CIP2A: variants seen among roughly 807,000 people sequenced by gnomAD.
CIP2A encodes the protein protein CIP2A.
In CIP2A, 103 loss-of-function variants were observed where a neutral mutation model predicts 110.9. The ratio of observed to expected loss-of-function variants is 0.93; its 90% CI spans 0.79 to 1.09. The LOEUF is 1.09. CIP2A is among the 50% of genes least tolerant of loss of function. The probability of loss-of-function intolerance (pLI) is 0.00; values close to 1 mark genes in which losing one functional copy is unlikely to be tolerated. For missense variants in CIP2A, 1,088 were observed against 1,038.4 expected (o/e 1.05, Z -0.66); for synonymous variants, 381 against 361.6 (o/e 1.05, Z -0.61).
chr3:108,553,506 A>G, intron 19 of CIP2A, 142 bp downstream of exon 19: 3 of 708,204 alleles, frequency 4.2e-6, no homozygotes, highest in Non-Finnish European at 6.6e-6. Flanking sequence ...GTGAAACATT[A>G]TGTCAAGAAA....
chr3:108,557,896 GAT>G (rs761752146), intron 16 of CIP2A, among the ~76,000 whole-genome samples: 3 of 152,032 alleles, frequency 2.0e-5, no homozygotes, highest in Non-Finnish European at 4.4e-5. Context: ...TTTATTATGT[GAT>G]ATGAAACACT....
In CIP2A at chr3:108,585,203, C is replaced by G; in HGVS notation, c.112G>C (p.Gly38Arg). The change falls in exon 2 of 21, where the codon GGA becomes CGA. Residue 38 changes from glycine to arginine, a missense_variant. Coordinates refer to ENST00000295746, the MANE Select transcript of CIP2A (RefSeq NM_020890.3). ...GTAAATAGTCGTGTGAGTTTCTGTC[C>G]AGAAATTACCTATAAAATAGTAATC... is the stretch of plus-strand genomic sequence containing the variant. Reference protein sequence around the residue: ...QLLRHLEVISGQKLTRLFTSN... With the variant: ...QLLRHLEVISRQKLTRLFTSN... 6.2e-7 allele frequency: 1 copy of G among 1,604,796 alleles called. No homozygotes were observed. The highest frequency in any genetic ancestry group is 8.5e-7 in the Non-Finnish European group (1 of 1,175,110).
chr3:108,565,687 T>C (rs1326817013), intron 11 of CIP2A, among the ~76,000 whole-genome samples: 1 of 151,842 alleles, frequency 6.6e-6, no homozygotes, highest in Non-Finnish European at 1.5e-5. Context: ...TTTCTTTTAC[T>C]ACCAACCTGC....
chr3:108,552,036 A>G (rs3816487), intron 20 of CIP2A, among the ~76,000 whole-genome samples, 198 bp downstream of exon 20: 5,448 of 152,264 alleles, frequency 0.036, 421 homozygotes, highest in East Asian at 0.35. Context: ...GACACAAAGT[A>G]TCTGTTTAAT....
Position 108,557,370 on chromosome 3 carries a change from A to G in CIP2A, c.2058T>C (p.Asn686=), listed in dbSNP as rs1336910461. The G allele has an allele frequency of 3.7e-6, 6 of 1,607,300 alleles. No homozygotes were observed. The highest frequency in any genetic ancestry group is 5.1e-6 in the Non-Finnish European group (6 of 1,175,860). Reference sequence around the variant, plus strand: ...CCTTCAGCAACACACTAAGCTCTTCATTTTTTCTCTCAACTTCTCTCAACA... The same window carrying G: ...CCTTCAGCAACACACTAAGCTCTTCGTTTTTTCTCTCAACTTCTCTCAACA... ...ASMLREVERK[N]EELSVLLKAQ... is the part of the protein sequence containing the mutation. The change falls in exon 17 of 21, where the codon AAT becomes AAC. Residue 686 remains asparagine (N), a synonymous_variant. Transcript: ENST00000295746.
intron 8 of CIP2A, among the ~76,000 whole-genome samples, chr3:108,570,964 T>G (rs1411889460): frequency 6.6e-6 from 1 of 152,148 alleles, no homozygotes; most frequent in African/African-American, 2.4e-5. Flanking sequence ...GTTTTTTCTA[T>G]TTTTAAAATG....
In CIP2A at chr3:108,568,297, A is replaced by T; in HGVS notation, c.1131T>A (p.Ala377=). The T allele has an allele frequency of 2.5e-6, 4 of 1,611,812 alleles. No individual in the cohort carries two copies. The highest frequency in any genetic ancestry group is 3.4e-6 in the Non-Finnish European group (4 of 1,178,528). Residue 377 remains alanine (A), a synonymous_variant, in exon 10 of 21, where the codon GCT becomes GCA. Transcript: ENST00000295746. The part of the protein sequence containing the change: ...KEIFEDVIDA[A]NCSSADRFVT... ...CAAAACGATCAGCCGAGGAACAGTT[A>T]GCAGCATCTATGACATCCTGGAGAA...
At chr3:108,575,889 T>TATATATACGTATATATACACATATAC (rs71103480) in intron 8 of CIP2A, among the ~76,000 whole-genome samples, 1,459 of 46,544 alleles carry the variant, frequency 0.031, 511 homozygotes, top group African/African-American at 0.074. Flanking sequence ...TATACATGTG[T>TATATATACGTATATATACACATATAC]ATGAGTATAT....
chr3:108,552,506 T>G, intron 19 of CIP2A, 133 bp from the exon 20 acceptor site: 1 of 474,470 alleles, frequency 2.1e-6, no homozygotes, highest in Non-Finnish European at 3.6e-6. Context: ...TATGACAGTA[T>G]TCTATAGAAA....
chr3:108,585,085 A>G lies in CIP2A; in HGVS notation c.230T>C (p.Ile77Thr). The change falls in exon 2 of 21, where the codon ATC becomes ACC. Residue 77 changes from isoleucine (I) to threonine (T), a missense_variant. Physicochemically the swap from Ile to Thr is moderately conservative, Grantham distance 89 (BLOSUM62 -1). Transcript: ENST00000295746. ...NISASLILSIIGLLSQLAVDI... is the reference protein window; with the variant it reads ...NISASLILSITGLLSQLAVDI... ...ATTACCTAGTTGAGACAGCAAACCG[A>G]TAATACTTAAGATCAGTGAAGCACT... is the stretch of plus-strand genomic sequence containing the variant. 1.2e-6 allele frequency: 2 copies of G among 1,612,126 alleles called. No individual in the cohort carries two copies. Among genetic ancestry groups the G allele is most frequent in the South Asian group, 1.1e-5 (1 of 90,562 alleles).
At chr3:108,569,273 T>A (rs1017133150) in intron 9 of CIP2A, 116 bp downstream of exon 9, 1 of 739,360 alleles carries the variant, frequency 1.4e-6, no homozygotes, top group Admixed American at 2.3e-5. Context: ...CTGTTAGTAA[T>A]TGAGATGTTT....
chr3:108,552,191 C>T (rs372978208), intron 20 of CIP2A, 43 bp downstream of exon 20: 161 of 1,504,176 alleles, frequency 1.1e-4, no homozygotes, highest in Non-Finnish European at 1.4e-4. Context: ...TCACAACAGA[C>T]TTTTTTATTT....
intron 8 of CIP2A, among the ~76,000 whole-genome samples, chr3:108,573,880 A>G (rs919182425): frequency 6.6e-6 from 1 of 152,172 alleles, no homozygotes; most frequent in Non-Finnish European, 1.5e-5. Flanking sequence ...GCTGACCTGG[A>G]AAAGTCGTAC....
chr3:108,561,278 C>G (rs941364364), intron 13 of CIP2A, among the ~76,000 whole-genome samples: 3 of 152,128 alleles, frequency 2.0e-5, no homozygotes, highest in Non-Finnish European at 2.9e-5. Context: ...TACCTCAGGC[C>G]TTCATATGAG....
At chr3:108,574,255 GAT>G (rs1387087329) in intron 8 of CIP2A, among the ~76,000 whole-genome samples, 1 of 151,954 alleles carries the variant, frequency 6.6e-6, no homozygotes, top group Non-Finnish European at 1.5e-5. Flanking sequence ...TATGTAAAAT[GAT>G]ATTTTTATTA....
Position 108,563,108 on chromosome 3 carries a change from C to T in CIP2A, c.1634+18G>A, listed in dbSNP as rs1938062525. On this transcript the variant is annotated intron_variant, in intron 13 of 20. Coordinates refer to ENST00000295746, the MANE Select transcript of CIP2A (RefSeq NM_020890.3). ...TTCCAACACCACAAGAGATACACTG[C>T]AAATGATTACAACTCACACTAAAGC... The T allele has an allele frequency of 6.7e-7, 1 of 1,494,040 alleles. No homozygotes were observed. The highest frequency in any genetic ancestry group is 9.3e-7 in the Non-Finnish European group (1 of 1,071,028). The allele number at this position is 1,494,040 out of a possible 1,614,324, so 92.5% of individuals were successfully genotyped here. A position where few individuals can be genotyped will look rare whatever the true frequency, so the allele number is the denominator to read the frequency against.
Position 108,553,671 on chromosome 3 carries a change from A to G in CIP2A, c.2384T>C (p.Val795Ala), listed in dbSNP as rs1937662960. 1.3e-6 allele frequency: 2 copies of G among 1,530,796 alleles called. No homozygotes were observed. Among genetic ancestry groups the G allele is most frequent in the Non-Finnish European group, 1.8e-6 (2 of 1,106,312 alleles). The allele number at this position is 1,530,796 out of a possible 1,614,324, so 94.8% of individuals were successfully genotyped here. A position where few individuals can be genotyped will look rare whatever the true frequency, so the allele number is the denominator to read the frequency against. Residue 795 changes from valine (V) to alanine (A), a missense_variant, in exon 19 of 21, where the codon GTA (valine) becomes GCA (alanine). Coordinates refer to ENST00000295746, the MANE Select transcript of CIP2A (RefSeq NM_020890.3). ...ACTTGCTAGCTTATGTTCTCTGTCT[A>G]CTAGCTGATTCTGTACTTCTTTTCT... ...EQRKEVQNQL[V>A]DREHKLANLH...
At position 108,584,990 on chromosome 3, in the gene CIP2A, T is replaced by C. The variant is rs993564625; in HGVS notation, c.250+75A>G. The C allele has an allele frequency of 3.7e-6, 5 of 1,356,986 alleles. No homozygotes were observed. The Admixed American group carries it at 1.1e-4, about 29-fold the overall frequency. 84.1% of individuals were successfully genotyped at this position (1,356,986 alleles called of 1,614,324 possible). ...AGGTGAATCATTCTTTAAGAGATTC[T>C]ATAACTAAGCCTGCACTTTAAAATA... On this transcript the variant is annotated intron_variant, in intron 2 of 20. Coordinates refer to ENST00000295746, the MANE Select transcript of CIP2A (RefSeq NM_020890.3).
chr3:108,561,181 G>A (rs1937994954), intron 13 of CIP2A, among the ~76,000 whole-genome samples: 3 of 152,034 alleles, frequency 2.0e-5, no homozygotes, highest in Non-Finnish European at 4.4e-5. Flanking sequence ...TGGCCTTTAC[G>A]TCCTTAGTCC....
Sources: allele counts gnomAD v4.1 joint callset (sites outside exome capture counted in the v4.1 genomes callset), GRCh38; gene constraint gnomAD v4.1.1; transcripts MANE v1.5; gene names NCBI Gene and HGNC (gene_info 2026-07-23, HGNC 2026-07-21).